Variants in TBC1D22A observed in about 807,000 individuals in gnomAD.
The protein encoded by TBC1D22A is putative GTPase activator.
In TBC1D22A, 38 loss-of-function variants were observed where a neutral mutation model predicts 60.2. The ratio of observed to expected loss-of-function variants is 0.63; its 90% CI spans 0.49 to 0.83. The LOEUF is 0.83. TBC1D22A is among the 40% of genes least tolerant of loss of function. TBC1D22A has a pLI of 0.00. For missense variants in TBC1D22A, 628 were observed against 701.0 expected (o/e 0.90, Z 1.18); for synonymous variants, 302 against 281.7 (o/e 1.07, Z -0.72).
At chr22:46,968,573 C>T (rs528504446) in intron 8 of TBC1D22A, among the ~76,000 whole-genome samples, 35 of 151,346 alleles carry the variant, frequency 2.3e-4, no homozygotes, top group Non-Finnish European at 4.3e-4. Flanking sequence ...GTCCTCACTG[C>T]GTGGCCGGCG....
intron 12 of TBC1D22A, among the ~76,000 whole-genome samples, chr22:47,139,354 C>T (rs1014712825): frequency 2.0e-5 from 3 of 152,240 alleles, no homozygotes; most frequent in Admixed American, 2.0e-4. Flanking sequence ...CGTGGCCGCA[C>T]CTCCCAGGGC....
intron 12 of TBC1D22A, among the ~76,000 whole-genome samples, chr22:47,160,757 G>C (rs773588318): frequency 7.2e-5 from 11 of 152,180 alleles, no homozygotes; most frequent in Non-Finnish European, 1.5e-4. Flanking sequence ...CGGGGACCGA[G>C]ATGGCAAAGG....
At chr22:46,876,872 A>C (rs1021602155) in intron 4 of TBC1D22A, among the ~76,000 whole-genome samples, 9 of 152,166 alleles carry the variant, frequency 5.9e-5, no homozygotes, top group African/African-American at 2.2e-4. Flanking sequence ...GATGTACCAA[A>C]CACCTATGAG....
At chr22:46,772,101 A>G (rs2083501835) in intron 1 of TBC1D22A, among the ~76,000 whole-genome samples, 1 of 131,252 alleles carries the variant, frequency 7.6e-6, no homozygotes, top group Non-Finnish European at 1.6e-5. Context: ...ATACACACAT[A>G]TACATATATA....
At chr22:46,961,760 G>T (rs2073516438) in intron 8 of TBC1D22A, among the ~76,000 whole-genome samples, 1 of 152,174 alleles carries the variant, frequency 6.6e-6, no homozygotes, top group Admixed American at 6.5e-5. Flanking sequence ...GGTTTGAAAG[G>T]GACCCCAAGA....
rs1464067020 is a variant in TBC1D22A, at chr22:46,792,513, C to T, written c.63-7C>T. On this transcript the variant is annotated splice_region_variant and splice_polypyrimidine_tract_variant and intron_variant, in intron 1 of 12. Transcript: ENST00000337137. ...GGCTCACTGGTTTTCCTTTTCTTTTCCATCAGCATCCAGCACGTGTATGGT... is the reference window on the plus strand; with the variant it reads ...GGCTCACTGGTTTTCCTTTTCTTTTTCATCAGCATCCAGCACGTGTATGGT... 6.2e-7 allele frequency: 1 copy of T among 1,614,222 alleles called. No individual in the cohort carries two copies. Among genetic ancestry groups the T allele is most frequent in the East Asian group, 2.2e-5 (1 of 44,884 alleles).
chr22:47,115,983 A>G (rs1035371689), intron 12 of TBC1D22A: 2 of 152,214 alleles, frequency 1.3e-5, no homozygotes, highest in Non-Finnish European at 2.9e-5. Context: ...TCATTTATCC[A>G]TTTTACCCCC....
chr22:46,961,812 A>G (rs775307288), intron 8 of TBC1D22A, among the ~76,000 whole-genome samples: 19 of 152,202 alleles, frequency 1.2e-4, no homozygotes, highest in Non-Finnish European at 2.2e-4. Context: ...GTGCGGCACA[A>G]TTGATGGCGT....
At chr22:47,067,576 T>C (rs2063818197) in intron 11 of TBC1D22A, among the ~76,000 whole-genome samples, 1 of 152,164 alleles carries the variant, frequency 6.6e-6, no homozygotes, top group African/African-American at 2.4e-5. Flanking sequence ...GCTCCAAAGA[T>C]GCCTGCTCAG....
chr22:46,886,945 C>A (rs955471146), intron 5 of TBC1D22A, among the ~76,000 whole-genome samples: 1 of 152,128 alleles, frequency 6.6e-6, no homozygotes, highest in African/African-American at 2.4e-5. Flanking sequence ...TGTTGTAGAA[C>A]AGGACTTAAC....
chr22:46,844,547 C>T (rs1427624864), intron 4 of TBC1D22A, among the ~76,000 whole-genome samples: 1 of 152,090 alleles, frequency 6.6e-6, no homozygotes, highest in Non-Finnish European at 1.5e-5. Flanking sequence ...AGTGAGTTTG[C>T]AGGAGACTGG....
intron 8 of TBC1D22A, among the ~76,000 whole-genome samples, chr22:46,942,726 G>A (rs1277768306): frequency 6.6e-6 from 1 of 152,174 alleles, no homozygotes; most frequent in African/African-American, 2.4e-5. Context: ...AGGCCTCCCC[G>A]AGGGATCCTT....
At position 47,174,198 on chromosome 22, in the gene TBC1D22A, A is replaced by C. The variant is rs926072862; in HGVS notation, c.*572A>C. 2 of 152,794 alleles carry C rather than the reference A, an allele frequency of 1.3e-5. No homozygotes were observed. Among genetic ancestry groups the C allele is most frequent in the African/African-American group, 4.8e-5 (2 of 41,440 alleles). The allele number at this position is 152,794 out of a possible 1,614,324, so 9.5% of individuals were successfully genotyped here. On this transcript the variant is annotated 3_prime_UTR_variant, in exon 13 of 13. Coordinates refer to ENST00000337137, the MANE Select transcript of TBC1D22A (RefSeq NM_014346.5). ...GTGTGTTTTCCTGCTTGCTTGGTTT[A>C]AACGTGGCTGGGAAGCTGAAGGCTG...
chr22:47,085,492 G>A (rs2147585959), intron 11 of TBC1D22A, among the ~76,000 whole-genome samples: 1 of 152,074 alleles, frequency 6.6e-6, no homozygotes, highest in East Asian at 1.9e-4. Flanking sequence ...TTATTATTAG[G>A]CATGGAAGGA....
At chr22:46,824,187 G>A (rs145716098) in intron 4 of TBC1D22A, among the ~76,000 whole-genome samples, 327 of 152,260 alleles carry the variant, frequency 2.1e-3, no homozygotes, top group African/African-American at 7.4e-3. Context: ...TACTTAGAGC[G>A]TCTCTCAGCT....
intron 8 of TBC1D22A, among the ~76,000 whole-genome samples, chr22:46,946,999 G>C (rs1172651996): frequency 1.3e-5 from 2 of 152,152 alleles, no homozygotes; most frequent in African/African-American, 4.8e-5. Flanking sequence ...TTGAGCCGTG[G>C]CCTTCTCCAG....
intron 12 of TBC1D22A, among the ~76,000 whole-genome samples, chr22:47,123,195 G>C (rs1256483621): frequency 6.6e-6 from 1 of 152,106 alleles, no homozygotes; most frequent in Non-Finnish European, 1.5e-5. Context: ...CCTTCCCTTT[G>C]GCCTGAAAAC....
At chr22:46,807,923 T>A (rs1035374173) in intron 4 of TBC1D22A, among the ~76,000 whole-genome samples, 4 of 152,122 alleles carry the variant, frequency 2.6e-5, no homozygotes, top group African/African-American at 9.7e-5. Context: ...GCTATGATCA[T>A]GCCACTGCAC....
chr22:47,033,704 C>T (rs1400051872), intron 10 of TBC1D22A, among the ~76,000 whole-genome samples: 3 of 152,152 alleles, frequency 2.0e-5, no homozygotes, highest in South Asian at 4.1e-4. Context: ...TGGGTAGCCT[C>T]GCACTGAGCA....
Sources: gnomAD v4.1 joint callset for allele counts (sites outside exome capture counted in the v4.1 genomes callset) on GRCh38, gnomAD v4.1.1 for gene constraint, MANE v1.5 for transcripts, NCBI Gene and HGNC (gene_info 2026-07-23, HGNC 2026-07-21) for gene names.